GULP1: variants seen among roughly 807,000 people sequenced by gnomAD.
GULP1 encodes the protein GULP PTB domain containing engulfment adaptor 1, also known as PTB domain-containing engulfment adapter protein 1.
GULP1 carries 19 observed loss-of-function variants against 40.9 expected under a neutral mutation model. The observed-to-expected ratio is 0.46, with a 90% CI of 0.32 to 0.68. GULP1 has a LOEUF of 0.68. Among genes scored for constraint, GULP1 ranks in the 30% least tolerant of loss-of-function variants. GULP1 has a pLI of 0.03. For missense variants in GULP1, 312 were observed against 362.2 expected, an observed-to-expected ratio of 0.86 and a Z score of 1.12; for synonymous variants, 119 against 117.6, an observed-to-expected ratio of 1.01 and a Z score of -0.08.
chr2:188,536,975 T>C (rs1689104683), intron 6 of GULP1, among the ~76,000 whole-genome samples: 1 of 152,070 alleles, frequency 6.6e-6, no homozygotes, highest in South Asian at 2.1e-4. Context: ...TTGATTTGTC[T>C]CTCAGCTTTA....
intron 10 of GULP1, among the ~76,000 whole-genome samples, chr2:188,586,548 C>T (rs1244673341): frequency 6.6e-6 from 1 of 152,138 alleles, no homozygotes. Context: ...TAATATTCAT[C>T]AGTTATATAT....
rs760133664 is a variant in GULP1, at chr2:188,342,972, GCTA to G, written c.-171-40784_-171-40782del. On this transcript the variant is annotated intron_variant, in intron 1 of 11. Coordinates refer to ENST00000409830, the MANE Select transcript of GULP1 (RefSeq NM_016315.4). ...CGTAGACTGCTTCATGATATAAAAT[GCTA>G]CTACTAAATTTAGTGAAGAGATAAT... Among the ~76,000 whole-genome samples the G allele has an allele frequency of 9.3e-4, 142 of 152,214 alleles. 1 individual carries two copies. Among genetic ancestry groups the G allele is most frequent in the Non-Finnish European group, 5.0e-4 (34 of 68,018 alleles).
At chr2:188,296,901 A>T (rs1222077218) in intron 1 of GULP1, among the ~76,000 whole-genome samples, 2 of 151,826 alleles carry the variant, frequency 1.3e-5, no homozygotes. Context: ...TTGGGGGACT[A>T]CTTTCTCTCT....
chr2:188,468,385 A>G (rs373008485), intron 2 of GULP1, among the ~76,000 whole-genome samples: 1 of 152,176 alleles, frequency 6.6e-6, no homozygotes, highest in Non-Finnish European at 1.5e-5. Flanking sequence ...TTTAAAATTG[A>G]CATACACTTT....
intron 1 of GULP1, among the ~76,000 whole-genome samples, chr2:188,359,901 T>C (rs2045874596): frequency 6.6e-6 from 1 of 152,116 alleles, no homozygotes; most frequent in Admixed American, 6.6e-5. Flanking sequence ...ATTAGAGCTA[T>C]TACACAGAGA....
intron 4 of GULP1, among the ~76,000 whole-genome samples, chr2:188,504,809 G>GT (rs1446189106): frequency 4.6e-5 from 7 of 151,804 alleles, no homozygotes; most frequent in African/African-American, 1.7e-4. Context: ...AAGTTAACTG[G>GT]TTTTTTTGTT....
At chr2:188,364,370 C>T (rs2046466154) in intron 1 of GULP1, among the ~76,000 whole-genome samples, 1 of 152,074 alleles carries the variant, frequency 6.6e-6, no homozygotes. Flanking sequence ...TTTTTAATTC[C>T]AAACAGCATG....
Position 188,594,010 on chromosome 2 carries a change from G to T in GULP1, c.914G>T (p.Ter305LeuextTer26). 1 of 1,561,874 alleles carries T rather than the reference G, an allele frequency of 6.4e-7. No individual in the cohort carries two copies. The highest frequency in any genetic ancestry group is 1.7e-5 in the Admixed American group (1 of 59,694). Residue 305 changes from the stop codon to leucine (L), a stop_lost, in exon 12 of 12, where the codon TGA becomes TTA. Transcript: ENST00000409830. The stretch of plus-strand genomic sequence containing the variant: ...CTCGACCCGTTAGACAGTAGGTGCT[G>T]ACATCAAGAACAAGAAATCCTGATT... ...FCLDPLDSRC* is the reference protein window; with the variant it reads ...FCLDPLDSRCL
At chr2:188,401,984 C>G (rs1320492568) in intron 2 of GULP1, among the ~76,000 whole-genome samples, 1 of 152,256 alleles carries the variant, frequency 6.6e-6, no homozygotes, top group East Asian at 1.9e-4. Context: ...ATTAAATCTA[C>G]TTTACATATC....
At chr2:188,508,021 T>G (rs1433160251) in intron 4 of GULP1, among the ~76,000 whole-genome samples, 1 of 152,000 alleles carries the variant, frequency 6.6e-6, no homozygotes, top group East Asian at 1.9e-4. Flanking sequence ...GGCTATTAAA[T>G]TTTTATAACA....
chr2:188,546,808 G>A lies in GULP1; in HGVS notation c.399+5490G>A, dbSNP rs554891454. On this transcript the variant is annotated intron_variant, in intron 7 of 11. Coordinates refer to ENST00000409830, the MANE Select transcript of GULP1 (RefSeq NM_016315.4). ...TAAAAGTCACAAATTGTATTAATTT[G>A]GCAAAGAACAAAAGAGGGAGAAGAC... 5.3e-5 allele frequency among the ~76,000 whole-genome samples: 8 copies of A among 152,038 alleles called. No homozygotes were observed. In the South Asian group the frequency reaches 1.7e-3, roughly 32 times the overall value.
chr2:188,427,198 A>C (rs1247347873), intron 2 of GULP1, among the ~76,000 whole-genome samples: 2 of 152,182 alleles, frequency 1.3e-5, no homozygotes, highest in Non-Finnish European at 2.9e-5. Context: ...AAATGATGTA[A>C]AACTGGAACT....
At chr2:188,435,374 G>A (rs887189074) in intron 2 of GULP1, among the ~76,000 whole-genome samples, 1 of 151,890 alleles carries the variant, frequency 6.6e-6, no homozygotes. Context: ...TATGTTAAAC[G>A]GGCTTTTGGT....
intron 2 of GULP1, among the ~76,000 whole-genome samples, chr2:188,458,123 A>C (rs2059414200): frequency 6.6e-6 from 1 of 152,162 alleles, no homozygotes; most frequent in African/African-American, 2.4e-5. Context: ...CAAACTATTA[A>C]GTATTTTAGT....
Position 188,594,300 on chromosome 2 carries a change from T to C in GULP1, c.*289T>C, listed in dbSNP as rs1704136388. 4.9e-6 allele frequency: 1 copy of C among 204,176 alleles called. No individual in the cohort carries two copies. The highest frequency in any genetic ancestry group is 9.7e-6 in the Non-Finnish European group (1 of 102,630). 12.6% of individuals were successfully genotyped at this position (204,176 alleles called of 1,614,324 possible). A position where few individuals can be genotyped will look rare whatever the true frequency, so the allele number is the denominator to read the frequency against. ...TACAAATACCTGCCTTGTGTCTGAGTTCTATTTAGTTAGCATCTTGAAATT... is the reference window on the plus strand; with the variant it reads ...TACAAATACCTGCCTTGTGTCTGAGCTCTATTTAGTTAGCATCTTGAAATT... On this transcript the variant is annotated 3_prime_UTR_variant, in exon 12 of 12. Coordinates refer to ENST00000409830, the MANE Select transcript of GULP1 (RefSeq NM_016315.4).
At chr2:188,374,705 C>T (rs909597960) in intron 1 of GULP1, among the ~76,000 whole-genome samples, 12 of 151,724 alleles carry the variant, frequency 7.9e-5, no homozygotes, top group African/African-American at 2.9e-4. Context: ...ATTGACCAGT[C>T]CTGGAACTAC....
intron 1 of GULP1, among the ~76,000 whole-genome samples, chr2:188,342,465 A>T (rs866478590): frequency 3.5e-4 from 53 of 152,166 alleles, no homozygotes; most frequent in African/African-American, 1.2e-3. Context: ...TTTTATCTGA[A>T]TTTTTTTAAC....
intron 2 of GULP1, among the ~76,000 whole-genome samples, chr2:188,454,520 A>G (rs1040320656): frequency 6.6e-6 from 1 of 152,148 alleles, no homozygotes; most frequent in Non-Finnish European, 1.5e-5. Context: ...TGGTCCAAGG[A>G]TTTACCCAGG....
chr2:188,447,178 T>C (rs1202708331), intron 2 of GULP1, among the ~76,000 whole-genome samples: 1 of 152,224 alleles, frequency 6.6e-6, no homozygotes, highest in Non-Finnish European at 1.5e-5. Context: ...TGGGTTACTA[T>C]AAAGAGTTGT....
Sources: allele counts gnomAD v4.1 joint callset (sites outside exome capture counted in the v4.1 genomes callset), GRCh38; gene constraint gnomAD v4.1.1; transcripts MANE v1.5; gene names NCBI Gene and HGNC (gene_info 2026-07-23, HGNC 2026-07-21).